Variants in MRPL3 observed in about 807,000 individuals in gnomAD.
MRPL3 encodes large ribosomal subunit protein uL3m.
In MRPL3, 43 loss-of-function variants were observed where a neutral mutation model predicts 44.3. That is an observed-to-expected ratio of 0.97 (90% confidence interval 0.76 to 1.25). MRPL3 has a LOEUF of 1.25. Ranked by LOEUF, MRPL3 falls within the 50% of genes most tolerant of loss-of-function variation. MRPL3 has a pLI of 0.00. For synonymous variants in MRPL3, 171 were observed against 152.3 expected, an observed-to-expected ratio of 1.12 and a Z score of -0.91; for missense variants, 406 against 427.6, an observed-to-expected ratio of 0.95 and a Z score of 0.45.
intron 5 of MRPL3, among the ~76,000 whole-genome samples, chr3:131,488,000 T>C (rs1934168496): frequency 6.6e-6 from 1 of 152,230 alleles, no homozygotes; most frequent in South Asian, 2.1e-4. Context: ...AACATATAAA[T>C]TTGATGATTC....
chr3:131,489,230 ATTTGTTTAATTCCAT>A (rs1415425193), intron 5 of MRPL3, among the ~76,000 whole-genome samples: 1 of 152,082 alleles, frequency 6.6e-6, no homozygotes, highest in Non-Finnish European at 1.5e-5. Context: ...TAATTTTTAT[ATTTGTTTAATTCCAT>A]TTACCTTGCC....
intron 8 of MRPL3, among the ~76,000 whole-genome samples, 198 bp from the exon 9 acceptor site, chr3:131,468,366 G>A (rs1933668843): frequency 6.6e-6 from 1 of 152,134 alleles, no homozygotes; most frequent in South Asian, 2.1e-4. Flanking sequence ...TCTTATGGAA[G>A]TAGTAGAAAA....
At chr3:131,489,832 A>C in intron 5 of MRPL3, 149 bp downstream of exon 5, 6 of 528,176 alleles carry the variant, frequency 1.1e-5, no homozygotes, top group East Asian at 3.0e-5. Flanking sequence ...ACTAAAAAAA[A>C]AAAAAAACAA....
At chr3:131,494,099 C>T (rs748907878) in intron 4 of MRPL3, among the ~76,000 whole-genome samples, 1 of 152,182 alleles carries the variant, frequency 6.6e-6, no homozygotes, top group African/African-American at 2.4e-5. Flanking sequence ...CTACAACTTA[C>T]CAGGAATCCC....
At position 131,467,035 on chromosome 3, in the gene MRPL3, T is replaced by C. The variant is rs537580326; in HGVS notation, c.894+1056A>G. On this transcript the variant is annotated intron_variant, in intron 9 of 9. Coordinates refer to ENST00000264995, the MANE Select transcript of MRPL3 (RefSeq NM_007208.4). ...CCTCTGGTAAAACCATTCTGTTCTC[T>C]ACTTCTATGAAATCAACTTTTAGAT... Among the ~76,000 whole-genome samples the C allele has an allele frequency of 1.1e-3, 171 of 152,274 alleles. 1 individual carries two copies. The highest frequency in any genetic ancestry group is 1.8e-3 in the Admixed American group (28 of 15,292).
intron 6 of MRPL3, among the ~76,000 whole-genome samples, chr3:131,480,671 T>C: frequency 6.6e-6 from 1 of 152,162 alleles, no homozygotes; most frequent in Non-Finnish European, 1.5e-5. Flanking sequence ...GCACACTCTG[T>C]TCTTCTCAAA....
At chr3:131,493,364 A>C (rs758781495) in intron 4 of MRPL3, among the ~76,000 whole-genome samples, 3 of 152,230 alleles carry the variant, frequency 2.0e-5, no homozygotes, top group Non-Finnish European at 4.4e-5. Flanking sequence ...TTACCAGAGC[A>C]CATTGCTCCT....
At chr3:131,484,506 A>T (rs1934072575) in intron 6 of MRPL3, among the ~76,000 whole-genome samples, 1 of 152,202 alleles carries the variant, frequency 6.6e-6, no homozygotes, top group Non-Finnish European at 1.5e-5. Flanking sequence ...CCCTTCCAAC[A>T]GGATTAATAT....
At position 131,466,173 on chromosome 3, in the gene MRPL3, C is replaced by CA. The variant is rs144209597; in HGVS notation, c.894+1917dup. ...AAAATTCTTATTCCTTGCAAGATTT[C>CA]AAAAAATTATTCCCTATGCTAGTAA... On this transcript the variant is annotated intron_variant, in intron 9 of 9. Coordinates refer to ENST00000264995, the MANE Select transcript of MRPL3 (RefSeq NM_007208.4). 9.0e-3 allele frequency among the ~76,000 whole-genome samples: 1,363 copies of CA among 151,500 alleles called. 21 individuals carry two copies. The highest frequency in any genetic ancestry group is 0.03 in the African/African-American group (1,250 of 41,308).
Position 131,499,465 on chromosome 3 carries a change from C to T in MRPL3, c.369+965G>A, listed in dbSNP as rs530215510. ...ATGGTTTTGTACCAATTTACAATCC[C>T]ACCAGCCATTACTGAAAGCCCCCTG... On this transcript the variant is annotated intron_variant, in intron 3 of 9. Transcript: ENST00000264995. Among the ~76,000 whole-genome samples the T allele has an allele frequency of 7.2e-5, 11 of 152,288 alleles. No individual in the cohort carries two copies. The East Asian group carries it at 2.1e-3, about 29-fold the overall frequency.
chr3:131,482,197 T>A (rs927676509), intron 6 of MRPL3, among the ~76,000 whole-genome samples: 1 of 152,116 alleles, frequency 6.6e-6, no homozygotes, highest in African/African-American at 2.4e-5. Context: ...CTCCAATACC[T>A]AATCTCCTCC....
At chr3:131,466,954 A>C (rs527735052) in intron 9 of MRPL3, among the ~76,000 whole-genome samples, 1 of 152,004 alleles carries the variant, frequency 6.6e-6, no homozygotes, top group East Asian at 1.9e-4. Flanking sequence ...CTTCCTAACT[A>C]ACTCTGTGCT....
chr3:131,502,646 ACCCAG>A, intron 1 of MRPL3, 79 bp downstream of exon 1: 1 of 1,168,820 alleles, frequency 8.6e-7, no homozygotes, highest in Non-Finnish European at 1.2e-6. Flanking sequence ...TTCCTCCTCC[ACCCAG>A]GGGAGGCCCA....
At chr3:131,500,788 A>G (rs1934480424) in intron 2 of MRPL3, among the ~76,000 whole-genome samples, 1 of 152,242 alleles carries the variant, frequency 6.6e-6, no homozygotes. Flanking sequence ...AGTTAGGTAT[A>G]TTCTGGTTTT....
intron 6 of MRPL3, among the ~76,000 whole-genome samples, chr3:131,480,020 A>T (rs544638874): frequency 6.6e-6 from 1 of 152,384 alleles, no homozygotes; most frequent in East Asian, 1.9e-4. Flanking sequence ...AAAAATTCTA[A>T]TAAACAAAAA....
chr3:131,465,472 A>T (rs1933579235), intron 9 of MRPL3, among the ~76,000 whole-genome samples: 2 of 152,186 alleles, frequency 1.3e-5, no homozygotes, highest in Admixed American at 1.3e-4. Flanking sequence ...ACTTGAGAAG[A>T]TGTTGTAGTA....
intron 5 of MRPL3, among the ~76,000 whole-genome samples, 169 bp downstream of exon 5, chr3:131,489,812 A>G (rs1361953144): frequency 6.6e-6 from 1 of 151,222 alleles, no homozygotes; most frequent in Admixed American, 6.6e-5. Flanking sequence ...AGTTATCTAC[A>G]GGTTTTTCCA....
At chr3:131,466,125 T>C (rs1933596511) in intron 9 of MRPL3, among the ~76,000 whole-genome samples, 1 of 152,042 alleles carries the variant, frequency 6.6e-6, no homozygotes, top group Non-Finnish European at 1.5e-5. Flanking sequence ...GTGAAGTGTC[T>C]CAGAAAGGTA....
chr3:131,464,594 T>C (rs1933559694), intron 9 of MRPL3, among the ~76,000 whole-genome samples: 1 of 152,108 alleles, frequency 6.6e-6, no homozygotes, highest in African/African-American at 2.4e-5. Context: ...CAGGCAAATC[T>C]GAAAATAAAT....
Sources: allele counts gnomAD v4.1 joint callset (sites outside exome capture counted in the v4.1 genomes callset), GRCh38; gene constraint gnomAD v4.1.1; transcripts MANE v1.5; gene names NCBI Gene and HGNC (gene_info 2026-07-23, HGNC 2026-07-21).